CLPTM1L: variants seen among roughly 807,000 people sequenced by gnomAD.
CLPTM1L encodes lipid scramblase CLPTM1L.
CLPTM1L carries 38 observed loss-of-function variants against 70.9 expected under a neutral mutation model. The observed-to-expected ratio is 0.54, with a 90% CI of 0.41 to 0.70. The LOEUF is 0.70. CLPTM1L is among the 30% of genes least tolerant of loss of function. The pLI is 0.00. For synonymous variants in CLPTM1L, 339 were observed against 299.9 expected, an observed-to-expected ratio of 1.13 and a Z score of -1.35; for missense variants, 652 against 705.9, an observed-to-expected ratio of 0.92 and a Z score of 0.87.
Position 1,341,857 on chromosome 5 carries a change from T to C in CLPTM1L, c.267A>G (p.Thr89=), listed in dbSNP as rs771600094. Residue 89 remains threonine (T), a synonymous_variant, in exon 3 of 17, where the codon ACA becomes ACG. Coordinates refer to ENST00000320895, the MANE Select transcript of CLPTM1L (RefSeq NM_030782.5). The part of the protein sequence containing the change: ...DFDVESKFER[T]VNVSVPKKTR... Reference sequence around the variant, plus strand: ...TTTTCTTTGGTACAGAAACATTAACTGTCCTGAAACAGAACAATCATTTCC... The same window carrying C: ...TTTTCTTTGGTACAGAAACATTAACCGTCCTGAAACAGAACAATCATTTCC... The C allele has an allele frequency of 1.9e-6, 3 of 1,611,382 alleles. No individual in the cohort carries two copies. The highest frequency in any genetic ancestry group is 2.2e-5 in the East Asian group (1 of 44,822).
rs1753742800 is a variant in CLPTM1L, at chr5:1,338,739, GGCA to G, written c.599+118_599+120del. 6.1e-6 allele frequency: 7 copies of G among 1,139,472 alleles called. No individual in the cohort carries two copies. The South Asian group carries it at 1.0e-4, about 17-fold the overall frequency. The allele number at this position is 1,139,472 out of a possible 1,614,324, so 70.6% of individuals were successfully genotyped here. ...AAGTGGGAAAGAGCTGGGAGGCCCG[GGCA>G]GCAAGTGCCTCCCCACAGAGGGGAC... On this transcript the variant is annotated intron_variant, in intron 4 of 16. Coordinates refer to ENST00000320895, the MANE Select transcript of CLPTM1L (RefSeq NM_030782.5).
Position 1,318,729 on chromosome 5 carries a change from G to A in CLPTM1L, c.1533-276C>T, listed in dbSNP as rs1196199345. Among the ~76,000 whole-genome samples, 1 of 152,112 alleles carries A rather than the reference G, an allele frequency of 6.6e-6. No individual in the cohort carries two copies. Among genetic ancestry groups the A allele is most frequent in the South Asian group, 2.1e-4 (1 of 4,828 alleles). On this transcript the variant is annotated intron_variant, in intron 16 of 16. Coordinates refer to ENST00000320895, the MANE Select transcript of CLPTM1L (RefSeq NM_030782.5). The surrounding 1 kb of genome is among the most constrained non-coding windows in gnomAD (Gnocchi z 8.9). The stretch of plus-strand genomic sequence containing the variant: ...GGCTGCACGGGCTGCCATGGCTGAA[G>A]GGGGGACCCGGAGGCTGCACGGGCT...
intron 6 of CLPTM1L, 41 bp downstream of exon 6, chr5:1,335,016 A>C (rs751581252): frequency 8.6e-6 from 13 of 1,513,256 alleles, no homozygotes; most frequent in African/African-American, 2.7e-5. Context: ...GAGGGGCTCC[A>C]GGGCGGCCTC....
In CLPTM1L at chr5:1,338,904, A is replaced by G. The variant is rs150402937; in HGVS notation, c.555T>C (p.Phe185=). 9.7e-5 allele frequency: 156 copies of G among 1,613,344 alleles called. No individual in the cohort carries two copies. In the African/African-American group the frequency reaches 1.9e-3, roughly 19 times the overall value. The change falls in exon 4 of 17, where the codon TTT becomes TTC. Residue 185 remains phenylalanine, a synonymous_variant. Coordinates refer to ENST00000320895, the MANE Select transcript of CLPTM1L (RefSeq NM_030782.5). ...ALNVMADNFV[F]DGSSLPADVH... is the part of the protein sequence containing the mutation. Reference sequence around the variant, plus strand: ...CATCGGCAGGCAGGGAGGACCCGTCAAAGACAAAGTTGTCCGCCATCACGT... The same window carrying G: ...CATCGGCAGGCAGGGAGGACCCGTCGAAGACAAAGTTGTCCGCCATCACGT...
rs185052817 is a variant in CLPTM1L, at chr5:1,328,573, G to C, written c.1080+1707C>G. Among the ~76,000 whole-genome samples, 20 of 150,874 alleles carry C rather than the reference G, an allele frequency of 1.3e-4. 1 individual carries two copies. The highest frequency in any genetic ancestry group is 4.7e-4 in the African/African-American group (19 of 40,822). On this transcript the variant is annotated intron_variant, in intron 9 of 16. Coordinates refer to ENST00000320895, the MANE Select transcript of CLPTM1L (RefSeq NM_030782.5). ...CTCCTCTACGGACACATTTCATCCA[G>C]CTCCTCCTCTACAGACAGATTTCAT...
At chr5:1,336,345 G>A (rs899396319) in intron 5 of CLPTM1L, among the ~76,000 whole-genome samples, 2 of 152,238 alleles carry the variant, frequency 1.3e-5, no homozygotes, top group African/African-American at 4.8e-5. Flanking sequence ...ACTGTGATTT[G>A]GGGGAAAAGC....
chr5:1,325,005 C>A (rs996442063), intron 10 of CLPTM1L, 192 bp from the exon 11 acceptor site: 2 of 609,412 alleles, frequency 3.3e-6, no homozygotes, highest in Non-Finnish European at 5.9e-6. Context: ...CCGCCTCACC[C>A]TGGCCCTGGG....
intron 6 of CLPTM1L, among the ~76,000 whole-genome samples, chr5:1,334,618 G>A (rs1405735494): frequency 6.6e-6 from 1 of 151,996 alleles, no homozygotes; most frequent in African/African-American, 2.4e-5. Context: ...GCTGGGCGTG[G>A]GGGCACGCGC....
intron 11 of CLPTM1L, 31 bp downstream of exon 11, chr5:1,324,732 A>C: frequency 1.9e-6 from 3 of 1,605,468 alleles, no homozygotes. Flanking sequence ...TTTGCCTGGC[A>C]TGCACGTGCC....
chr5:1,328,382 CAG>C (rs1341150256), intron 9 of CLPTM1L, among the ~76,000 whole-genome samples: 4 of 146,772 alleles, frequency 2.7e-5, no homozygotes, highest in African/African-American at 5.2e-5. Context: ...TCCTCCTCTA[CAG>C]GGACATTTCT....
chr5:1,320,970 T>C (rs1752115730), intron 15 of CLPTM1L, among the ~76,000 whole-genome samples: 1 of 152,120 alleles, frequency 6.6e-6, no homozygotes, highest in South Asian at 2.1e-4. Flanking sequence ...GGCTCCCACA[T>C]CGGGGAACCC....
Position 1,338,927 on chromosome 5 carries a change from C to G in CLPTM1L, c.532G>C (p.Val178Leu), listed in dbSNP as rs778311245. The change falls in exon 4 of 17, where the codon GTG becomes CTG. Residue 178 changes from valine to leucine, a missense_variant. By Grantham distance (32) the Val-to-Leu change is conservative. Coordinates refer to ENST00000320895, the MANE Select transcript of CLPTM1L (RefSeq NM_030782.5). ...SHWRPRLALNVMADNFVFDGS... is the reference protein window; with the variant it reads ...SHWRPRLALNLMADNFVFDGS... ...TCAAAGACAAAGTTGTCCGCCATCA[C>G]GTTCAGCGCCAGCCGCGGTCGCCAG... 1.9e-6 allele frequency: 3 copies of G among 1,613,252 alleles called. No individual in the cohort carries two copies. The highest frequency in any genetic ancestry group is 3.3e-5 in the Admixed American group (2 of 60,014).
At chr5:1,341,941 G>A (rs1449617526) in intron 2 of CLPTM1L, 81 bp from the exon 3 acceptor site, 4 of 1,168,662 alleles carry the variant, frequency 3.4e-6, no homozygotes, top group African/African-American at 3.1e-5. Flanking sequence ...TTATAAAGCT[G>A]CTTCAATAAA....
chr5:1,330,681 A>G (rs1240044873), intron 8 of CLPTM1L: 1 of 418,592 alleles, frequency 2.4e-6, no homozygotes, highest in Non-Finnish European at 4.3e-6. Flanking sequence ...CGGGGCCAGC[A>G]CAGCTTTGCT....
At chr5:1,329,017 C>T (rs183550580) in intron 9 of CLPTM1L, among the ~76,000 whole-genome samples, 21 of 152,280 alleles carry the variant, frequency 1.4e-4, no homozygotes, top group African/African-American at 4.8e-4. Flanking sequence ...AGCTCCTCCT[C>T]TACAGGCATG....
chr5:1,342,039 T>TGTGTGTGTGCGCGC lies in CLPTM1L; in HGVS notation c.264-180_264-179insGCGCGCACACACAC, dbSNP rs3222913. ...GTGTGTGTGTGTGTGTGTGTGTGTG[T>TGTGTGTGTGCGCGC]GCACGCGCACGCGTGCGCGTCCTGA... On this transcript the variant is annotated intron_variant, in intron 2 of 16. Transcript: ENST00000320895. This position sits in a 1 kb window ranked among gnomAD's most constrained non-coding sequence, Gnocchi z 4.3. Among the ~76,000 whole-genome samples, 355 of 149,082 alleles carry TGTGTGTGTGCGCGC rather than the reference T, an allele frequency of 2.4e-3. 2 individuals carry two copies. The highest frequency in any genetic ancestry group is 7.9e-3 in the African/African-American group (313 of 39,778).
At position 1,342,110 on chromosome 5, in the gene CLPTM1L, C is replaced by G. The variant is rs1372230490; in HGVS notation, c.264-250G>C. Among the ~76,000 whole-genome samples the G allele has an allele frequency of 6.6e-6, 1 of 151,846 alleles. No homozygotes were observed. The highest frequency in any genetic ancestry group is 1.9e-4 in the East Asian group (1 of 5,172). Reference sequence around the variant, plus strand: ...CGCCTACAGCCGAAAGCAAAACGGCCCGCACTTCCTGCCTCCATCTCAGGA... The same window carrying G: ...CGCCTACAGCCGAAAGCAAAACGGCGCGCACTTCCTGCCTCCATCTCAGGA... On this transcript the variant is annotated intron_variant, in intron 2 of 16. Transcript: ENST00000320895. The surrounding 1 kb of genome is among the most constrained non-coding windows in gnomAD (Gnocchi z 4.3).
chr5:1,321,879 C>T, intron 13 of CLPTM1L, 60 bp from the exon 14 acceptor site: 1 of 1,508,086 alleles, frequency 6.6e-7, no homozygotes, highest in South Asian at 1.2e-5. Flanking sequence ...CATCTACGCA[C>T]AGACGGCACT....
intron 4 of CLPTM1L, among the ~76,000 whole-genome samples, chr5:1,338,608 T>C (rs1753734426): frequency 6.6e-6 from 1 of 152,236 alleles, no homozygotes; most frequent in East Asian, 1.9e-4. Flanking sequence ...TTCCGTTTTC[T>C]CTCCATGGAA....
Sources: allele counts gnomAD v4.1 joint callset (sites outside exome capture counted in the v4.1 genomes callset), GRCh38; gene constraint gnomAD v4.1.1; non-coding constraint Gnocchi (gnomAD v3.1); transcripts MANE v1.5; gene names NCBI Gene and HGNC (gene_info 2026-07-23, HGNC 2026-07-21).